The following TOX3 variants were observed in gnomAD, a reference collection of about 807,000 sequenced individuals.
The protein encoded by TOX3 is TOX high mobility group box family member 3.
TOX3 carries 22 observed loss-of-function variants against 64.3 expected under a neutral mutation model. The ratio of observed to expected loss-of-function variants is 0.34; its 90% CI spans 0.24 to 0.49. The LOEUF (loss-of-function observed/expected upper bound fraction) is 0.49. Among genes scored for constraint, TOX3 ranks in the 20% least tolerant of loss-of-function variants. The pLI is 0.99. For synonymous variants in TOX3, 291 were observed against 273.6 expected (o/e 1.06, Z -0.63); for missense variants, 661 against 714.4 (o/e 0.93, Z 0.85).
chr16:52,451,008 C>G (rs1567313257), intron 3 of TOX3, among the ~76,000 whole-genome samples: 1 of 152,198 alleles, frequency 6.6e-6, no homozygotes, highest in Non-Finnish European at 1.5e-5. Context: ...AAACATGTAG[C>G]TGTTATGAGA....
At chr16:52,448,220 T>C (rs1173757900) in intron 4 of TOX3, among the ~76,000 whole-genome samples, 2 of 152,208 alleles carry the variant, frequency 1.3e-5, no homozygotes, top group South Asian at 2.1e-4. Context: ...TAATCAATGA[T>C]AGTTTTAATC....
intron 1 of TOX3, among the ~76,000 whole-genome samples, chr16:52,477,915 G>A (rs910707011): frequency 7.2e-5 from 11 of 152,088 alleles, no homozygotes; most frequent in Non-Finnish European, 1.3e-4. Flanking sequence ...ATAGCTCACT[G>A]TGGCCTCAAA....
chr16:52,510,198 T>G (rs1312786295), intron 1 of TOX3, among the ~76,000 whole-genome samples: 6 of 151,968 alleles, frequency 3.9e-5, no homozygotes, highest in African/African-American at 1.2e-4. Context: ...AGGTGTTTTG[T>G]TTTTTTCCCC....
rs578084111 is a variant in TOX3 at position 52,498,351 on chromosome 16, G to A, written c.88-29777C>T. Among the ~76,000 whole-genome samples the A allele has an allele frequency of 1.1e-4, 17 of 152,232 alleles. No individual in the cohort carries two copies. The East Asian group carries it at 2.7e-3, about 24-fold the overall frequency. ...AATACATCAAACAAATGTTATATAAGAGCAATAAATATTAAAGTTGACCTA... is the reference window on the plus strand; with the variant it reads ...AATACATCAAACAAATGTTATATAAAAGCAATAAATATTAAAGTTGACCTA... On this transcript the variant is annotated intron_variant, in intron 1 of 6. Transcript: ENST00000219746.
Position 52,468,074 on chromosome 16 carries a change from T to C in TOX3, c.153+435A>G, listed in dbSNP as rs1401787150. ...GAAACTATAATACTCTTCTGTCACA[T>C]AGTTTCCCAAACCATGACAACTTAA... On this transcript the variant is annotated intron_variant, in intron 2 of 6. Coordinates refer to ENST00000219746, the MANE Select transcript of TOX3 (RefSeq NM_001080430.4). Among the ~76,000 whole-genome samples, 6 of 152,306 alleles carry C rather than the reference T, an allele frequency of 3.9e-5. No individual in the cohort carries two copies. The South Asian group carries it at 8.3e-4, about 21-fold the overall frequency.
chr16:52,436,654 T>C lies in TOX3; in HGVS notation c.*2571A>G, dbSNP rs1007839253. The stretch of plus-strand genomic sequence containing the variant: ...TAGTTTTGCCTGGTGATTAATTTTA[T>C]AAACTGTAGTCATTAAACTTTTTTT... On this transcript the variant is annotated 3_prime_UTR_variant, in exon 7 of 7. Coordinates refer to ENST00000219746, the MANE Select transcript of TOX3 (RefSeq NM_001080430.4). 6.6e-6 allele frequency: 1 copy of C among 152,316 alleles called. No homozygotes were observed. The highest frequency in any genetic ancestry group is 2.4e-5 in the African/African-American group (1 of 41,462). 9.4% of individuals were successfully genotyped at this position (152,316 alleles called of 1,614,324 possible).
intron 1 of TOX3, among the ~76,000 whole-genome samples, chr16:52,483,031 T>C (rs1183656783): frequency 1.3e-5 from 2 of 152,140 alleles, no homozygotes; most frequent in African/African-American, 2.4e-5. Flanking sequence ...GCCCCTGGGA[T>C]AAGTAACAGA....
chr16:52,521,764 A>G (rs892203107), intron 1 of TOX3, among the ~76,000 whole-genome samples: 8 of 152,212 alleles, frequency 5.3e-5, no homozygotes, highest in African/African-American at 1.9e-4. Flanking sequence ...AACTTGTTAG[A>G]AATGCAAATT....
chr16:52,525,262 A>AG (rs978727090), intron 1 of TOX3, among the ~76,000 whole-genome samples: 15 of 151,994 alleles, frequency 9.9e-5, no homozygotes, highest in Non-Finnish European at 1.2e-4. Flanking sequence ...AAGTTTGGGG[A>AG]GGGGGGTTCT....
rs1165159858 is a variant in TOX3 at position 52,438,876 on chromosome 16, C to A, written c.*349G>T. The A allele has an allele frequency of 3.9e-6, 2 of 516,762 alleles. No individual in the cohort carries two copies. The highest frequency in any genetic ancestry group is 6.4e-4 in the Middle Eastern group (2 of 3,108). 32.0% of individuals were successfully genotyped at this position (516,762 alleles called of 1,614,324 possible). A position where few individuals can be genotyped will look rare whatever the true frequency, so the allele number is the denominator to read the frequency against. ...TTACTCACTTCTGGAGAAATAAGGC[C>A]ATTTTTCTATGACTCAGAGAGGCCA... On this transcript the variant is annotated 3_prime_UTR_variant, in exon 7 of 7. Transcript: ENST00000219746.
chr16:52,455,911 C>A (rs1480307366), intron 3 of TOX3, among the ~76,000 whole-genome samples: 1 of 152,112 alleles, frequency 6.6e-6, no homozygotes, highest in Non-Finnish European at 1.5e-5. Context: ...TGGGATGCTT[C>A]CCCGAAGAGG....
At chr16:52,541,710 C>T (rs937852467) in intron 1 of TOX3, among the ~76,000 whole-genome samples, 1 of 152,214 alleles carries the variant, frequency 6.6e-6, no homozygotes, top group Middle Eastern at 3.2e-3. Flanking sequence ...CATGCATTGA[C>T]TTCATTTGAA....
At chr16:52,543,952 T>G (rs1035325670) in intron 1 of TOX3, among the ~76,000 whole-genome samples, 27 of 152,196 alleles carry the variant, frequency 1.8e-4, no homozygotes, top group African/African-American at 6.5e-4. Context: ...ATTCACGGTT[T>G]GTAAATAAAT....
chr16:52,449,547 T>G (rs1455544790), intron 4 of TOX3, among the ~76,000 whole-genome samples: 1 of 152,232 alleles, frequency 6.6e-6, no homozygotes, highest in Non-Finnish European at 1.5e-5. Flanking sequence ...GGAGCTAGTT[T>G]TAAACATTGC....
intron 1 of TOX3, among the ~76,000 whole-genome samples, chr16:52,474,021 G>A (rs375324503): frequency 3.3e-5 from 5 of 152,128 alleles, no homozygotes; most frequent in Admixed American, 6.5e-5. Context: ...CACCACACTC[G>A]TACATCCAAC....
intron 2 of TOX3, among the ~76,000 whole-genome samples, chr16:52,466,752 C>T (rs1363760567): frequency 6.6e-6 from 1 of 151,952 alleles, no homozygotes; most frequent in African/African-American, 2.4e-5. Flanking sequence ...TTACAATATC[C>T]TAACCTAATA....
chr16:52,443,433 T>C (rs1425611020), intron 6 of TOX3, among the ~76,000 whole-genome samples: 1 of 151,988 alleles, frequency 6.6e-6, no homozygotes, highest in African/African-American at 2.4e-5. Context: ...TTAATACAGA[T>C]AATATAAAGA....
intron 1 of TOX3, among the ~76,000 whole-genome samples, chr16:52,499,404 G>C (rs1379048890): frequency 6.6e-6 from 1 of 152,170 alleles, no homozygotes; most frequent in Non-Finnish European, 1.5e-5. Flanking sequence ...CTGTGTTTGA[G>C]TATAGTATTA....
intron 2 of TOX3, among the ~76,000 whole-genome samples, chr16:52,467,613 A>G (rs1420651574): frequency 6.6e-6 from 1 of 152,228 alleles, no homozygotes; most frequent in Non-Finnish European, 1.5e-5. Flanking sequence ...ATGAACCACA[A>G]GAGGAAATGT....
Sources: gnomAD v4.1 joint callset for allele counts (sites outside exome capture counted in the v4.1 genomes callset) on GRCh38, gnomAD v4.1.1 for gene constraint, MANE v1.5 for transcripts, NCBI Gene and HGNC (gene_info 2026-07-23, HGNC 2026-07-21) for gene names.